Variants in NCKAP5 observed in about 807,000 individuals in gnomAD.
The protein encoded by NCKAP5 is NCK associated protein 5, also known as nck-associated protein 5.
Under a neutral mutation model 167.0 loss-of-function variants are expected in NCKAP5, and 92 were observed. That is an observed-to-expected ratio of 0.55 (90% CI 0.47 to 0.66). The LOEUF is 0.66. NCKAP5 is among the 30% of genes least tolerant of loss of function. The pLI is 0.00. For missense variants in NCKAP5, 2,378 were observed against 2,315.0 expected (o/e 1.03, Z -0.56); for synonymous variants, 891 against 877.4 (o/e 1.02, Z -0.27).
At chr2:132,954,961 A>T (rs1281108652) in intron 8 of NCKAP5, among the ~76,000 whole-genome samples, 1 of 152,250 alleles carries the variant, frequency 6.6e-6, no homozygotes, top group Non-Finnish European at 1.5e-5. Flanking sequence ...GGTGACCCAC[A>T]GTTGGATGTA....
intron 6 of NCKAP5, among the ~76,000 whole-genome samples, chr2:133,001,401 GGA>G (rs1269836617): frequency 1.3e-5 from 2 of 151,832 alleles, no homozygotes; most frequent in East Asian, 3.9e-4. Flanking sequence ...TGTATTTTTC[GGA>G]GAGACAGGGT....
At chr2:133,536,000 C>T (rs1685734893) in intron 2 of NCKAP5, among the ~76,000 whole-genome samples, 1 of 151,892 alleles carries the variant, frequency 6.6e-6, no homozygotes, top group Non-Finnish European at 1.5e-5. Flanking sequence ...TTTCTTCTTG[C>T]TGAGTTGTTT....
At chr2:133,050,685 T>A (rs2079570578) in intron 6 of NCKAP5, among the ~76,000 whole-genome samples, 1 of 152,242 alleles carries the variant, frequency 6.6e-6, no homozygotes, top group African/African-American at 2.4e-5. Context: ...TATATTTTTC[T>A]ACATTTTTAT....
chr2:132,772,375 C>T (rs1353378890), intron 16 of NCKAP5, among the ~76,000 whole-genome samples: 2 of 152,140 alleles, frequency 1.3e-5, no homozygotes, highest in African/African-American at 4.8e-5. Context: ...AAACAGCCAA[C>T]ATGTGGCTGG....
intron 3 of NCKAP5, among the ~76,000 whole-genome samples, chr2:133,329,858 A>T (rs1198261333): frequency 3.9e-5 from 6 of 152,002 alleles, no homozygotes; most frequent in Non-Finnish European, 2.9e-5. Flanking sequence ...TCACCTGTGG[A>T]ATCTTTTAAA....
intron 19 of NCKAP5, among the ~76,000 whole-genome samples, chr2:132,678,983 C>T (rs756967399): frequency 1.3e-5 from 2 of 152,050 alleles, no homozygotes; most frequent in African/African-American, 2.4e-5. Flanking sequence ...ATCTTCTGGG[C>T]GTCTATTATT....
chr2:133,505,125 A>G (rs1682887619), intron 3 of NCKAP5, among the ~76,000 whole-genome samples: 1 of 152,132 alleles, frequency 6.6e-6, no homozygotes. Context: ...AGCTTTTGGA[A>G]TAAAATTACC....
chr2:133,586,437 G>A, the NCKAP5 span, among the ~76,000 whole-genome samples: 1 of 152,088 alleles, frequency 6.6e-6, no homozygotes, highest in African/African-American at 2.4e-5. Context: ...ATTTACCATA[G>A]CCTCAGCTGC....
intron 2 of NCKAP5, among the ~76,000 whole-genome samples, chr2:133,541,682 CA>C (rs772408994): frequency 4.5e-4 from 62 of 138,140 alleles, no homozygotes; most frequent in South Asian, 1.8e-3. Context: ...AAATGTTTGC[CA>C]AAAAAAAAAT....
intron 3 of NCKAP5, among the ~76,000 whole-genome samples, chr2:133,436,803 A>C (rs754189628): frequency 6.6e-6 from 1 of 152,148 alleles, no homozygotes; most frequent in African/African-American, 2.4e-5. Context: ...GTATGTTAAC[A>C]TGGGTGCCTA....
chr2:133,065,232 G>A (rs1190818499), intron 6 of NCKAP5, among the ~76,000 whole-genome samples: 3 of 152,116 alleles, frequency 2.0e-5, no homozygotes, highest in African/African-American at 2.4e-5. Context: ...GAAAAACGAC[G>A]ACAACTATGA....
intron 6 of NCKAP5, among the ~76,000 whole-genome samples, chr2:133,024,442 A>T (rs940603693): frequency 6.6e-6 from 1 of 152,220 alleles, no homozygotes; most frequent in Non-Finnish European, 1.5e-5. Flanking sequence ...AATCTGAATA[A>T]GCAAACATAA....
chr2:132,873,463 G>A (rs1378576651), intron 9 of NCKAP5, among the ~76,000 whole-genome samples: 1 of 152,072 alleles, frequency 6.6e-6, no homozygotes. Flanking sequence ...GGCGTGAGGG[G>A]TATGTATATG....
chr2:133,458,439 T>C (rs1384926888), intron 3 of NCKAP5, among the ~76,000 whole-genome samples: 2 of 152,122 alleles, frequency 1.3e-5, no homozygotes, highest in East Asian at 1.9e-4. Flanking sequence ...AGATGGTTCA[T>C]GTGTGCAGAG....
chr2:132,778,707 G>C (rs1682762065), intron 15 of NCKAP5, among the ~76,000 whole-genome samples: 1 of 152,176 alleles, frequency 6.6e-6, no homozygotes, highest in South Asian at 2.1e-4. Context: ...TTTACCTTGA[G>C]CCCTAGTGGG....
intron 3 of NCKAP5, among the ~76,000 whole-genome samples, chr2:133,478,067 G>GC (rs1162096969): frequency 6.6e-6 from 1 of 152,038 alleles, no homozygotes; most frequent in African/African-American, 2.4e-5. Context: ...TTATTCCATT[G>GC]CACCTGGATC....
At chr2:133,240,572 C>A (rs1323745810) in intron 4 of NCKAP5, among the ~76,000 whole-genome samples, 1 of 152,156 alleles carries the variant, frequency 6.6e-6, no homozygotes, top group Non-Finnish European at 1.5e-5. Context: ...GTCTTGAAAG[C>A]CATTATTCAC....
At chr2:132,833,217 T>A (rs984553694) in intron 11 of NCKAP5, among the ~76,000 whole-genome samples, 1 of 152,196 alleles carries the variant, frequency 6.6e-6, no homozygotes, top group Non-Finnish European at 1.5e-5. Flanking sequence ...TTAATGGGAT[T>A]ATTTCATTGT....
At chr2:133,378,085 A>G (rs1686277314) in intron 3 of NCKAP5, among the ~76,000 whole-genome samples, 1 of 152,362 alleles carries the variant, frequency 6.6e-6, no homozygotes, top group South Asian at 2.1e-4. Flanking sequence ...CTATATGCTG[A>G]TGTCTGTATA....
Sources: gnomAD v4.1 joint callset for allele counts (sites outside exome capture counted in the v4.1 genomes callset) on GRCh38, gnomAD v4.1.1 for gene constraint, MANE v1.5 for transcripts, NCBI Gene and HGNC (gene_info 2026-07-23, HGNC 2026-07-21) for gene names.